FHIT: variants seen among roughly 807,000 people sequenced by gnomAD.
FHIT encodes fragile histidine triad diadenosine triphosphatase, also known as bis(5'-adenosyl)-triphosphatase.
Under a neutral mutation model 17.9 loss-of-function variants are expected in FHIT, and 19 were observed. That is an observed-to-expected ratio of 1.06 (90% CI 0.74 to 1.56). The LOEUF (loss-of-function observed/expected upper bound fraction) is 1.56, where lower values mean the gene tolerates loss of function less well. Ranked by LOEUF, FHIT falls within the 40% of genes most tolerant of loss-of-function variation. FHIT has a pLI of 0.00. For missense variants in FHIT, 248 were observed against 189.2 expected (o/e 1.31, Z -1.82); for synonymous variants, 81 against 69.7 (o/e 1.16, Z -0.81).
chr3:60,906,157 G>GA (rs1276130622), intron 3 of FHIT, among the ~76,000 whole-genome samples: 10 of 152,018 alleles, frequency 6.6e-5, no homozygotes, highest in African/African-American at 2.4e-4. Flanking sequence ...GGAATATTAG[G>GA]AAAAAAAGAA....
chr3:60,207,463 A>G (rs1043405955), intron 5 of FHIT, among the ~76,000 whole-genome samples: 1 of 151,974 alleles, frequency 6.6e-6, no homozygotes, highest in African/African-American at 2.4e-5. Context: ...TTTTTTTCCA[A>G]ACCTAATCCT....
At chr3:60,531,488 CAGGATG>C (rs2035784026) in intron 5 of FHIT, among the ~76,000 whole-genome samples, 1 of 151,866 alleles carries the variant, frequency 6.6e-6, no homozygotes, top group Admixed American at 6.6e-5. Flanking sequence ...CCGTGTTAGC[CAGGATG>C]GTCTCGATCT....
chr3:59,805,585 C>T (rs928708635), intron 8 of FHIT, among the ~76,000 whole-genome samples: 4 of 152,134 alleles, frequency 2.6e-5, no homozygotes, highest in Non-Finnish European at 5.9e-5. Flanking sequence ...AGACTACATC[C>T]TTTTTGACCT....
chr3:60,732,559 T>C (rs1461022390), intron 4 of FHIT: 1 of 632,520 alleles, frequency 1.6e-6, no homozygotes, highest in African/African-American at 1.8e-5. Flanking sequence ...GAACCTCGTC[T>C]GCAAACAGCT....
chr3:60,402,774 A>G (rs865938966), intron 5 of FHIT, among the ~76,000 whole-genome samples: 1 of 152,288 alleles, frequency 6.6e-6, no homozygotes, highest in South Asian at 2.1e-4. Context: ...TAGTTTCTTG[A>G]GGATTGGGAA....
At chr3:60,837,044 G>A (rs147494385) in intron 3 of FHIT, among the ~76,000 whole-genome samples, 64 of 152,220 alleles carry the variant, frequency 4.2e-4, no homozygotes, top group African/African-American at 1.5e-3. Context: ...CCATGGCCAG[G>A]TTTTTAACTA....
At chr3:60,443,154 C>T (rs1258483337) in intron 5 of FHIT, among the ~76,000 whole-genome samples, 1 of 152,150 alleles carries the variant, frequency 6.6e-6, no homozygotes, top group Non-Finnish European at 1.5e-5. Flanking sequence ...AGTTGCCTAT[C>T]AGCTTAAGGA....
chr3:60,330,585 T>C (rs1385698819), intron 5 of FHIT, among the ~76,000 whole-genome samples: 3 of 152,218 alleles, frequency 2.0e-5, no homozygotes, highest in Non-Finnish European at 4.4e-5. Flanking sequence ...CAGATTGTTC[T>C]GGAACCATAT....
chr3:60,605,379 T>C (rs1553670727), intron 4 of FHIT, among the ~76,000 whole-genome samples: 1 of 152,196 alleles, frequency 6.6e-6, no homozygotes, highest in Non-Finnish European at 1.5e-5. Flanking sequence ...AAAATGCTTT[T>C]AGCTTTCCAG....
chr3:60,545,608 G>A (rs1196390414), intron 4 of FHIT, among the ~76,000 whole-genome samples: 1 of 152,140 alleles, frequency 6.6e-6, no homozygotes, highest in East Asian at 1.9e-4. Flanking sequence ...TATTTAACCT[G>A]AGGGTTATTT....
intron 5 of FHIT, among the ~76,000 whole-genome samples, chr3:60,281,073 T>C (rs757464065): frequency 0.012 from 112 of 9,674 alleles, no homozygotes; most frequent in Admixed American, 0.029. Context: ...CAAATGGAAA[T>C]TGAAATTAGA....
chr3:60,783,751 C>A (rs782700187), intron 4 of FHIT, among the ~76,000 whole-genome samples: 1 of 152,052 alleles, frequency 6.6e-6, no homozygotes, highest in Non-Finnish European at 1.5e-5. Context: ...GGTTTGAAAA[C>A]AAAGAAAATG....
intron 4 of FHIT, among the ~76,000 whole-genome samples, chr3:60,704,280 T>C (rs2041318851): frequency 6.6e-6 from 1 of 152,202 alleles, no homozygotes; most frequent in South Asian, 2.1e-4. Context: ...TAAAGTCTTA[T>C]CAAAAGTATG....
At chr3:60,092,162 T>C (rs930876911) in intron 5 of FHIT, among the ~76,000 whole-genome samples, 2 of 152,354 alleles carry the variant, frequency 1.3e-5, no homozygotes, top group Non-Finnish European at 2.9e-5. Context: ...TTGCAGATAC[T>C]GAACACACAT....
In FHIT at chr3:60,808,317, A is replaced by G. The variant is rs1021720452; in HGVS notation, c.-18+13602T>C. ...GCACTAATTTTTTTATTTCAACTGT[A>G]TCTTTTGAAGGTTCATTATGCATAT... On this transcript the variant is annotated intron_variant, in intron 4 of 9. Transcript: ENST00000492590. Among the ~76,000 whole-genome samples the G allele has an allele frequency of 2.0e-5, 3 of 152,056 alleles. 1 individual carries two copies. The highest frequency in any genetic ancestry group is 6.3e-3 in the Middle Eastern group (2 of 316).
At chr3:60,016,690 T>C (rs903845724) in intron 5 of FHIT, among the ~76,000 whole-genome samples, 2 of 152,214 alleles carry the variant, frequency 1.3e-5, no homozygotes, top group Non-Finnish European at 2.9e-5. Flanking sequence ...GGAGGTCAGA[T>C]CTAATTCTGC....
chr3:60,308,781 A>G lies in FHIT; in HGVS notation c.103+228079T>C, dbSNP rs775475999. Among the ~76,000 whole-genome samples, 26 of 152,122 alleles carry G rather than the reference A, an allele frequency of 1.7e-4. 1 individual carries two copies. Among genetic ancestry groups the G allele is most frequent in the Non-Finnish European group, 3.4e-4 (23 of 68,022 alleles). ...TCACATCACTCCTATAATCATCTCT[A>G]TAACTGATCACCAAAAGTATACTAT... On this transcript the variant is annotated intron_variant, in intron 5 of 9. Transcript: ENST00000492590.
intron 5 of FHIT, among the ~76,000 whole-genome samples, chr3:60,117,692 T>C (rs1453175173): frequency 6.6e-6 from 1 of 152,028 alleles, no homozygotes; most frequent in Non-Finnish European, 1.5e-5. Flanking sequence ...AGGGTCCAGA[T>C]GAACAGACGC....
At chr3:60,543,076 G>C (rs79337081) in intron 4 of FHIT, among the ~76,000 whole-genome samples, 1 of 152,072 alleles carries the variant, frequency 6.6e-6, no homozygotes, top group Non-Finnish European at 1.5e-5. Flanking sequence ...AGACGCTGTA[G>C]AACAAAGGTC....
Sources: allele counts gnomAD v4.1 joint callset (sites outside exome capture counted in the v4.1 genomes callset), GRCh38; gene constraint gnomAD v4.1.1; transcripts MANE v1.5; gene names NCBI Gene and HGNC (gene_info 2026-07-23, HGNC 2026-07-21).